The following ADGRA2 variants were observed in gnomAD, a reference collection of about 807,000 sequenced individuals.
ADGRA2 encodes the protein adhesion G protein-coupled receptor A2.
A neutral mutation model predicts 98.7 loss-of-function variants in ADGRA2; 61 were observed. The ratio of observed to expected loss-of-function variants is 0.62; its 90% confidence interval spans 0.50 to 0.76. The LOEUF (loss-of-function observed/expected upper bound fraction) is 0.76, where lower values mean the gene tolerates loss of function less well. Ranked by LOEUF, ADGRA2 falls within the 30% of genes least tolerant of loss-of-function variation. ADGRA2 has a pLI of 0.00. For synonymous variants in ADGRA2, 858 were observed against 831.5 expected (o/e 1.03, Z -0.55); for missense variants, 1,712 against 1,860.0 (o/e 0.92, Z 1.46).
intron 2 of ADGRA2, among the ~76,000 whole-genome samples, chr8:37,822,269 G>A (rs188801860): frequency 1.1e-3 from 175 of 152,190 alleles, no homozygotes; most frequent in Non-Finnish European, 2.1e-3. Context: ...TAGGCCCAGG[G>A]AAGGCTGCTT....
Position 37,829,287 on chromosome 8 carries a change from G to A in ADGRA2, c.437G>A (p.Cys146Tyr), listed in dbSNP as rs767556131. ...GATCTCTCCAACAACCGGATTGGCT[G>A]TCTCACCTCCGAGACCTTCCAGGGC... is the stretch of plus-strand genomic sequence containing the variant. The part of the protein sequence containing the change: ...RLDLSNNRIG[C>Y]LTSETFQGLP... The change falls in exon 4 of 19, where the codon TGT (cysteine) becomes TAT (tyrosine). Residue 146 changes from cysteine (C) to tyrosine (Y), a missense_variant. By Grantham distance (194) the Cys-to-Tyr change is radical. Transcript: ENST00000412232. 2 of 1,613,732 alleles carry A rather than the reference G, an allele frequency of 1.2e-6. No homozygotes were observed. Among genetic ancestry groups the A allele is most frequent in the Non-Finnish European group, 1.7e-6 (2 of 1,179,848 alleles).
intron 2 of ADGRA2, among the ~76,000 whole-genome samples, chr8:37,816,334 TA>T (rs1387201619): frequency 6.6e-6 from 1 of 151,362 alleles, no homozygotes; most frequent in Non-Finnish European, 1.5e-5. Flanking sequence ...GGCTCACACC[TA>T]TATTCCCAGC....
intron 2 of ADGRA2, among the ~76,000 whole-genome samples, chr8:37,826,766 C>T (rs1023816564): frequency 1.3e-5 from 2 of 152,170 alleles, no homozygotes; most frequent in African/African-American, 4.8e-5. Flanking sequence ...CCCTCCTGCC[C>T]AGTAATCCAG....
At chr8:37,839,232 C>A in intron 15 of ADGRA2, 149 bp downstream of exon 15, 1 of 1,255,358 alleles carries the variant, frequency 8.0e-7, no homozygotes, top group Non-Finnish European at 1.1e-6. Context: ...GGAAACCTCC[C>A]AGCATGGGTG....
chr8:37,800,806 CT>C (rs1563335859), intron 1 of ADGRA2, among the ~76,000 whole-genome samples: 3 of 152,194 alleles, frequency 2.0e-5, no homozygotes, highest in African/African-American at 4.8e-5. Context: ...CTCCTTCGTA[CT>C]TTATTTATTT....
chr8:37,842,313 C>A lies in ADGRA2; in HGVS notation c.3975C>A (p.Gly1325=). The change falls in exon 19 of 19, where the codon GGC becomes GGA. Residue 1325 remains glycine, a synonymous_variant. Coordinates refer to ENST00000412232, the MANE Select transcript of ADGRA2 (RefSeq NM_032777.10). Reference sequence around the variant, plus strand: ...TGGGCGCGGAGGTAGCCAGCGGCGGCTGCATGAAGACCGGACTCTGGAAGA... The same window carrying A: ...TGGGCGCGGAGGTAGCCAGCGGCGGATGCATGAAGACCGGACTCTGGAAGA... ...TLMGAEVASG[G]CMKTGLWKSE... 6.5e-7 allele frequency: 1 copy of A among 1,542,462 alleles called. No individual in the cohort carries two copies. Among genetic ancestry groups the A allele is most frequent in the South Asian group, 1.2e-5 (1 of 82,136 alleles).
intron 2 of ADGRA2, among the ~76,000 whole-genome samples, chr8:37,817,872 C>A (rs1646777048): frequency 6.6e-6 from 1 of 152,058 alleles, no homozygotes; most frequent in African/African-American, 2.4e-5. Context: ...CAAAAATTAG[C>A]CGGGTGTGGT....
Position 37,841,899 on chromosome 8 carries a change from C to A in ADGRA2, c.3561C>A (p.Ala1187=). The A allele has an allele frequency of 6.5e-7, 1 of 1,533,136 alleles. No homozygotes were observed. Among genetic ancestry groups the A allele is most frequent in the East Asian group, 2.5e-5 (1 of 40,706 alleles). The allele number at this position is 1,533,136 out of a possible 1,614,324, so 95.0% of individuals were successfully genotyped here. A position where few individuals can be genotyped will look rare whatever the true frequency, so the allele number is the denominator to read the frequency against. The part of the protein sequence containing the change: ...HHGRRAHKSR[A]KGHRAGEACG... ...GGCGTCGGGCGCACAAGAGCCGGGC[C>A]AAGGGACACCGCGCGGGGGAGGCCT... The change falls in exon 19 of 19, where the codon GCC becomes GCA. Residue 1187 remains alanine, a synonymous_variant. Transcript: ENST00000412232. The surrounding 1 kb of genome is among the most constrained non-coding windows in gnomAD (Gnocchi z 5.0).
In ADGRA2 at chr8:37,831,514, G is replaced by C; in HGVS notation, c.1024G>C (p.Glu342Gln). The change falls in exon 8 of 19, where the codon GAG (glutamate) becomes CAG (glutamine). Residue 342 changes from glutamate to glutamine, a missense_variant. Physicochemically the swap from Glu to Gln is conservative, Grantham distance 29. Coordinates refer to ENST00000412232, the MANE Select transcript of ADGRA2 (RefSeq NM_032777.10). ...CCAAGGCAACGCCAGCAAGAAGGTG[G>C]AGATCGTGGTGCTGGAGACCTCTGC... ...MAQGNASKKV[E>Q]IVVLETSASY... is the part of the protein sequence containing the mutation. The C allele has an allele frequency of 6.2e-7, 1 of 1,613,380 alleles. No homozygotes were observed. The highest frequency in any genetic ancestry group is 8.5e-7 in the Non-Finnish European group (1 of 1,179,866).
intron 12 of ADGRA2, 32 bp downstream of exon 12, chr8:37,835,430 G>A (rs752659868): frequency 1.3e-6 from 2 of 1,581,954 alleles, no homozygotes; most frequent in Admixed American, 1.7e-5. Flanking sequence ...GGGGGTGGGA[G>A]AAGGGAGGCA....
Position 37,814,832 on chromosome 8 carries a change from G to A in ADGRA2, c.267-64G>A, listed in dbSNP as rs1585975693. ...AAGATGCAAGCTGGCCCCACCAGTGGTGAAAGCGGATGCCCAGCACATAAC... is the reference window on the plus strand; with the variant it reads ...AAGATGCAAGCTGGCCCCACCAGTGATGAAAGCGGATGCCCAGCACATAAC... On this transcript the variant is annotated intron_variant, in intron 1 of 18. Transcript: ENST00000412232. This position sits in a 1 kb window ranked among gnomAD's most constrained non-coding sequence, Gnocchi z 4.3. The A allele has an allele frequency of 1.6e-5, 20 of 1,242,296 alleles. No homozygotes were observed. In the East Asian group the frequency reaches 4.7e-4, roughly 29 times the overall value. 77.0% of individuals were successfully genotyped at this position (1,242,296 alleles called of 1,614,324 possible).
intron 5 of ADGRA2, 52 bp downstream of exon 5, chr8:37,829,611 C>A: frequency 7.6e-7 from 1 of 1,312,462 alleles, no homozygotes; most frequent in Non-Finnish European, 1.1e-6. Flanking sequence ...CTTTCTCTGC[C>A]CAGGAGAGAT....
rs975897914 is a variant in ADGRA2, at chr8:37,830,039, A to G, written c.718+25A>G. The stretch of plus-strand genomic sequence containing the variant: ...GGTGAGCAAGTCCCCCCAGCTACAC[A>G]TCTCCCAGGGACCCTGCCTCTCCAC... On this transcript the variant is annotated intron_variant, in intron 6 of 18. Coordinates refer to ENST00000412232, the MANE Select transcript of ADGRA2 (RefSeq NM_032777.10). The surrounding 1 kb of genome is among the most constrained non-coding windows in gnomAD (Gnocchi z 4.8). 3.4e-6 allele frequency: 5 copies of G among 1,469,352 alleles called. No individual in the cohort carries two copies. Among genetic ancestry groups the G allele is most frequent in the Admixed American group, 2.1e-5 (1 of 46,688 alleles). The allele number at this position is 1,469,352 out of a possible 1,614,324, so 91.0% of individuals were successfully genotyped here.
chr8:37,844,805 C>A lies in ADGRA2; in HGVS notation c.*2450C>A, dbSNP rs1419007075. 2 of 1,614,174 alleles carry A rather than the reference C, an allele frequency of 1.2e-6. No individual in the cohort carries two copies. Among genetic ancestry groups the A allele is most frequent in the East Asian group, 2.2e-5 (1 of 44,878 alleles). On this transcript the variant is annotated 3_prime_UTR_variant, in exon 19 of 19. Coordinates refer to ENST00000412232, the MANE Select transcript of ADGRA2 (RefSeq NM_032777.10). ...TCTCTCGGGTCTCCACTTCTGCTGT[C>A]CCATCCCGAAAGGCAGAGCGGACCA...
chr8:37,829,295 T>C lies in ADGRA2; in HGVS notation c.445T>C (p.Ser149Pro). The C allele has an allele frequency of 6.2e-7, 1 of 1,613,176 alleles. No individual in the cohort carries two copies. The highest frequency in any genetic ancestry group is 1.7e-4 in the Middle Eastern group (1 of 6,058). ...LSNNRIGCLTSETFQGLPRLL... is the reference protein window; with the variant it reads ...LSNNRIGCLTPETFQGLPRLL... ...CAACAACCGGATTGGCTGTCTCACC[T>C]CCGAGACCTTCCAGGGCCTCCCCAG... Residue 149 changes from serine to proline, a missense_variant, in exon 4 of 19, where the codon TCC becomes CCC. Ser to Pro is a moderately conservative substitution (Grantham distance 74). Coordinates refer to ENST00000412232, the MANE Select transcript of ADGRA2 (RefSeq NM_032777.10).
rs1805420005 is a variant in ADGRA2, at chr8:37,830,488, G to A, written c.719-222G>A. Among the ~76,000 whole-genome samples the A allele has an allele frequency of 6.6e-6, 1 of 152,154 alleles. No individual in the cohort carries two copies. Among genetic ancestry groups the A allele is most frequent in the Non-Finnish European group, 1.5e-5 (1 of 68,030 alleles). On this transcript the variant is annotated intron_variant, in intron 6 of 18. Coordinates refer to ENST00000412232, the MANE Select transcript of ADGRA2 (RefSeq NM_032777.10). The surrounding 1 kb of genome is among the most constrained non-coding windows in gnomAD (Gnocchi z 4.8). ...GGCCCCACCTCTTGGGGTAACACGT[G>A]TGCTGAGAAAGGAGTACTTTTCTTT...
chr8:37,835,139 C>G (rs1805568220), intron 11 of ADGRA2, 35 bp from the exon 12 acceptor site: 1 of 1,508,536 alleles, frequency 6.6e-7, no homozygotes, highest in Non-Finnish European at 9.2e-7. Context: ...AGGCCACCAT[C>G]TCAAATGGTG....
chr8:37,826,033 G>T (rs560062284), intron 2 of ADGRA2, among the ~76,000 whole-genome samples: 3 of 152,168 alleles, frequency 2.0e-5, no homozygotes, highest in Non-Finnish European at 4.4e-5. Context: ...GGGCCTGGAC[G>T]CCGCCTCGCT....
rs772791568 is a variant in ADGRA2 at position 37,835,314 on chromosome 8, G to A, written c.1749G>A (p.Glu583=). Residue 583 remains glutamate (E), a synonymous_variant, in exon 12 of 19, where the codon GAG becomes GAA. Coordinates refer to ENST00000412232, the MANE Select transcript of ADGRA2 (RefSeq NM_032777.10). The part of the protein sequence containing the change: ...PGSPGQNPPP[E]PEPPADQQLR... ...GCCCTGGCCAGAACCCCCCACCTGA[G>A]CCCGAGCCCCCAGCTGACCAGCAGC... 1.9e-6 allele frequency: 3 copies of A among 1,613,536 alleles called. No individual in the cohort carries two copies. The Admixed American group carries it at 5.0e-5, about 27-fold the overall frequency.
Sources: gnomAD v4.1 joint callset for allele counts (sites outside exome capture counted in the v4.1 genomes callset) on GRCh38, gnomAD v4.1.1 for gene constraint, Gnocchi (gnomAD v3.1) non-coding constraint, MANE v1.5 for transcripts, NCBI Gene and HGNC (gene_info 2026-07-23, HGNC 2026-07-21) for gene names.